The following C6orf58 variants were observed in gnomAD, a reference collection of about 807,000 sequenced individuals.
The protein encoded by C6orf58 is protein LEG1 homolog.
C6orf58 carries 30 observed loss-of-function variants against 37.0 expected under a neutral mutation model. The observed-to-expected ratio is 0.81, with a 90% confidence interval of 0.61 to 1.10. The LOEUF (loss-of-function observed/expected upper bound fraction) is 1.10. Ranked by LOEUF, C6orf58 falls within the 50% of genes least tolerant of loss-of-function variation. C6orf58 has a pLI of 0.00. For synonymous variants in C6orf58, 143 were observed against 134.1 expected (o/e 1.07, Z -0.46); for missense variants, 368 against 387.5 (o/e 0.95, Z 0.42).
intron 4 of C6orf58, among the ~76,000 whole-genome samples, chr6:127,588,694 T>C (rs1310895066): frequency 6.6e-6 from 1 of 152,204 alleles, no homozygotes; most frequent in Non-Finnish European, 1.5e-5. Context: ...AACTGATGCA[T>C]TTGAAGAGTT....
At chr6:127,582,190 A>G (rs1204951515) in intron 4 of C6orf58, among the ~76,000 whole-genome samples, 3 of 152,130 alleles carry the variant, frequency 2.0e-5, no homozygotes, top group African/African-American at 7.2e-5. Flanking sequence ...TTATGTTTTC[A>G]TTATTCTAAT....
In C6orf58 at chr6:127,578,448, A is replaced by G. The variant is rs555848450; in HGVS notation, c.302-238A>G. Among the ~76,000 whole-genome samples the G allele has an allele frequency of 2.0e-5, 3 of 152,264 alleles. No homozygotes were observed. The East Asian group carries it at 5.8e-4, about 29-fold the overall frequency. On this transcript the variant is annotated intron_variant, in intron 1 of 5. Coordinates refer to ENST00000329722, the MANE Select transcript of C6orf58 (RefSeq NM_001010905.3). ...GAAATAGAAGAGAGTATCCTTACAA[A>G]AGTAAATAATATTTAGGACCTATAA...
chr6:127,577,379 A>C lies in C6orf58; in HGVS notation c.194A>C (p.Lys65Thr), dbSNP rs1166642919. Residue 65 changes from lysine to threonine, a missense_variant, in exon 1 of 6, where the codon AAA becomes ACA. By Grantham distance (78) the Lys-to-Thr change is moderately conservative. Transcript: ENST00000329722. ...WVYLERMGMY[K>T]IILNQTARYF... ...TACCTTGAGAGAATGGGGATGTATAAAATCATATTGAATCAGACAGCCAGG... is the reference window on the plus strand; with the variant it reads ...TACCTTGAGAGAATGGGGATGTATACAATCATATTGAATCAGACAGCCAGG... 3 of 1,613,512 alleles carry C rather than the reference A, an allele frequency of 1.9e-6. No homozygotes were observed. In the Admixed American group the frequency reaches 5.0e-5, roughly 27 times the overall value.
At chr6:127,580,063 C>G (rs996689137) in intron 2 of C6orf58, among the ~76,000 whole-genome samples, 1 of 151,920 alleles carries the variant, frequency 6.6e-6, no homozygotes, top group East Asian at 1.9e-4. Flanking sequence ...ATATTTATGA[C>G]TATAAGGTTA....
At chr6:127,579,859 G>T (rs982795677) in intron 2 of C6orf58, among the ~76,000 whole-genome samples, 13 of 151,956 alleles carry the variant, frequency 8.6e-5, no homozygotes, top group African/African-American at 3.1e-4. Flanking sequence ...CTATAATCAT[G>T]TTAAAATATT....
chr6:127,584,217 A>C (rs748219110), intron 4 of C6orf58, among the ~76,000 whole-genome samples: 4 of 152,084 alleles, frequency 2.6e-5, no homozygotes, highest in Non-Finnish European at 5.9e-5. Context: ...CAATTGAATT[A>C]AATATGTCTG....
intron 1 of C6orf58, 91 bp from the exon 2 acceptor site, chr6:127,578,595 T>G (rs1000959840): frequency 2.6e-6 from 2 of 762,488 alleles, no homozygotes; most frequent in Non-Finnish European, 4.4e-6. Flanking sequence ...TGCTTTTGTA[T>G]CTACAAACAA....
intron 2 of C6orf58, among the ~76,000 whole-genome samples, chr6:127,579,830 A>G (rs941138605): frequency 2.0e-5 from 3 of 152,124 alleles, no homozygotes; most frequent in Non-Finnish European, 4.4e-5. Flanking sequence ...ATAAAATAGA[A>G]AACATTCATT....
intron 4 of C6orf58, among the ~76,000 whole-genome samples, chr6:127,582,155 A>T (rs563306964): frequency 3.5e-4 from 54 of 152,306 alleles, no homozygotes; most frequent in African/African-American, 1.3e-3. Context: ...AAATCAGGAC[A>T]GTTGACTGAT....
intron 4 of C6orf58, among the ~76,000 whole-genome samples, chr6:127,581,801 TG>T (rs1400315596): frequency 6.6e-6 from 1 of 152,158 alleles, no homozygotes; most frequent in African/African-American, 2.4e-5. Flanking sequence ...AGCTCAGATT[TG>T]CCTCATTTGG....
chr6:127,588,395 A>G lies in C6orf58; in HGVS notation c.675-1692A>G, dbSNP rs183732825. Among the ~76,000 whole-genome samples the G allele has an allele frequency of 1.3e-4, 20 of 152,344 alleles. 1 individual carries two copies. The highest frequency in any genetic ancestry group is 2.1e-4 in the Non-Finnish European group (14 of 68,028). ...ACAGAATTGTAGGGATTGGAGAACAACTGGGGCCATGGTTACAATCTATTG... is the reference window on the plus strand; with the variant it reads ...ACAGAATTGTAGGGATTGGAGAACAGCTGGGGCCATGGTTACAATCTATTG... On this transcript the variant is annotated intron_variant, in intron 4 of 5. Coordinates refer to ENST00000329722, the MANE Select transcript of C6orf58 (RefSeq NM_001010905.3).
At chr6:127,585,347 A>G (rs913471993) in intron 4 of C6orf58, among the ~76,000 whole-genome samples, 1 of 152,226 alleles carries the variant, frequency 6.6e-6, no homozygotes, top group African/African-American at 2.4e-5. Flanking sequence ...AAAAATATCA[A>G]AGGTTTAAAA....
chr6:127,589,061 C>A (rs1442713428), intron 4 of C6orf58, among the ~76,000 whole-genome samples: 1 of 152,120 alleles, frequency 6.6e-6, no homozygotes, highest in African/African-American at 2.4e-5. Flanking sequence ...TCTCAACAAG[C>A]ATAATGCAAG....
intron 3 of C6orf58, 63 bp downstream of exon 3, chr6:127,580,512 G>T: frequency 7.6e-7 from 1 of 1,314,338 alleles, no homozygotes; most frequent in South Asian, 1.3e-5. Context: ...ATTTCGTCTA[G>T]GATTTTTTTG....
intron 4 of C6orf58, among the ~76,000 whole-genome samples, chr6:127,585,150 C>T (rs2114296635): frequency 6.6e-6 from 1 of 152,236 alleles, no homozygotes; most frequent in African/African-American, 2.4e-5. Flanking sequence ...GAAGGTTTAA[C>T]ATTACTTATT....
rs1180780114 is a variant in C6orf58, at chr6:127,577,422, A to C, written c.237A>C (p.Ala79=). ...CAGCCAGGTATTTTGCAAAATTTGC[A>C]CCAGATAATGAACAGAATATTTTAT... ...NQTARYFAKF[A]PDNEQNILWG... is the part of the protein sequence containing the mutation. Residue 79 remains alanine (A), a synonymous_variant, in exon 1 of 6, where the codon GCA becomes GCC. Coordinates refer to ENST00000329722, the MANE Select transcript of C6orf58 (RefSeq NM_001010905.3). The C allele has an allele frequency of 6.2e-7, 1 of 1,613,736 alleles. No individual in the cohort carries two copies. The highest frequency in any genetic ancestry group is 1.1e-5 in the South Asian group (1 of 91,078).
At position 127,578,687 on chromosome 6, in the gene C6orf58, C is replaced by A. The variant is rs1261823176; in HGVS notation, c.303C>A (p.Gly101=). Reference sequence around the variant, plus strand: ...GACTGTGCATCCTCTCTCCTCCAGGCAGATTAGCTGATCCAACCCGAAGGA... The same window carrying A: ...GACTGTGCATCCTCTCTCCTCCAGGAAGATTAGCTGATCCAACCCGAAGGA... The part of the protein sequence containing the change: ...PLQYGWQYRT[G]RLADPTRRTN... Residue 101 remains glycine (G), a splice_region_variant and synonymous_variant, in exon 2 of 6, where the codon GGC becomes GGA. Coordinates refer to ENST00000329722, the MANE Select transcript of C6orf58 (RefSeq NM_001010905.3). 6.2e-7 allele frequency: 1 copy of A among 1,610,422 alleles called. No homozygotes were observed. Among genetic ancestry groups the A allele is most frequent in the Non-Finnish European group, 8.5e-7 (1 of 1,177,036 alleles).
chr6:127,583,976 A>G (rs1775077522), intron 4 of C6orf58, among the ~76,000 whole-genome samples: 1 of 152,208 alleles, frequency 6.6e-6, no homozygotes, highest in Non-Finnish European at 1.5e-5. Flanking sequence ...AGGACCTTTG[A>G]CCAATGCAAT....
At chr6:127,590,753 A>C (rs929293600) in intron 5 of C6orf58, among the ~76,000 whole-genome samples, 3 of 152,154 alleles carry the variant, frequency 2.0e-5, no homozygotes, top group African/African-American at 7.2e-5. Flanking sequence ...GGCTTACTTG[A>C]GTTCCCTTGA....
Sources: gnomAD v4.1 joint callset for allele counts (sites outside exome capture counted in the v4.1 genomes callset) on GRCh38, gnomAD v4.1.1 for gene constraint, MANE v1.5 for transcripts, NCBI Gene and HGNC (gene_info 2026-07-23, HGNC 2026-07-21) for gene names.